Variants in BLTP1 observed in about 807,000 individuals in gnomAD.
BLTP1 encodes bridge-like lipid transfer protein family member 1.
At chr4:122,192,679 G>A in the BLTP1 span, among the ~76,000 whole-genome samples, 6 of 151,966 alleles carry the variant, frequency 3.9e-5, no homozygotes, top group South Asian at 2.1e-4. Flanking sequence ...AATCAACAAC[G>A]ATTTCTTCAT....
At chr4:122,231,863 G>A in the BLTP1 span, 3 of 954,212 alleles carry the variant, frequency 3.1e-6, no homozygotes, top group Non-Finnish European at 3.7e-6. Context: ...AAGAAAATCT[G>A]TTGAGATTTT....
the BLTP1 span, chr4:122,206,062 C>G: frequency 2.0e-6 from 2 of 981,368 alleles, no homozygotes; most frequent in East Asian, 1.1e-4. Flanking sequence ...AAAGGGTAAA[C>G]AGACAAAATA....
chr4:122,183,082 T>C, the BLTP1 span: 1 of 932,250 alleles, frequency 1.1e-6, no homozygotes, highest in Non-Finnish European at 1.3e-6. Flanking sequence ...ACACTGGTAA[T>C]CCCAGCACTT....
the BLTP1 span, chr4:122,153,887 G>A: frequency 3.8e-6 from 2 of 525,170 alleles, no homozygotes; most frequent in Non-Finnish European, 4.9e-6. Flanking sequence ...CTTTAAACAA[G>A]GAAACGTAAT....
At chr4:122,288,184 A>C in the BLTP1 span, among the ~76,000 whole-genome samples, 1 of 152,166 alleles carries the variant, frequency 6.6e-6, no homozygotes, top group Non-Finnish European at 1.5e-5. Context: ...CAGAAATTTA[A>C]TACCTTGTAC....
At chr4:122,231,301 G>A in the BLTP1 span, among the ~76,000 whole-genome samples, 2 of 152,080 alleles carry the variant, frequency 1.3e-5, no homozygotes, top group African/African-American at 4.8e-5. Flanking sequence ...CTGCACCATT[G>A]CTACCTTTTG....
At chr4:122,193,642 A>G in the BLTP1 span, 1 of 804,942 alleles carries the variant, frequency 1.2e-6, no homozygotes, top group African/African-American at 1.9e-5. Context: ...AAAATTAGAC[A>G]TTTCTTAAAA....
At chr4:122,259,741 T>G in the BLTP1 span, 8 of 153,830 alleles carry the variant, frequency 5.2e-5, no homozygotes, top group African/African-American at 1.5e-4. Context: ...GCGCCTGTAA[T>G]CCCAGCTACT....
At chr4:122,290,379 A>T in the BLTP1 span, among the ~76,000 whole-genome samples, 1 of 152,176 alleles carries the variant, frequency 6.6e-6, no homozygotes, top group African/African-American at 2.4e-5. Context: ...GGTGTGTCCC[A>T]TTTACCTGGT....
At chr4:122,169,032 T>C in the BLTP1 span, among the ~76,000 whole-genome samples, 4 of 152,154 alleles carry the variant, frequency 2.6e-5, no homozygotes, top group East Asian at 7.7e-4. Flanking sequence ...ACCGTAACCT[T>C]GAACTCCTAG....
chr4:122,277,644 G>C, the BLTP1 span: 78 of 961,384 alleles, frequency 8.1e-5, 1 homozygote, highest in East Asian at 5.4e-3. Flanking sequence ...TAATAGCCTT[G>C]CTCATTATGA....
chr4:122,211,048 C>G, the BLTP1 span: 1 of 1,606,714 alleles, frequency 6.2e-7, no homozygotes, highest in Admixed American at 1.7e-5. Flanking sequence ...TCCAGATTCT[C>G]AGATAACTCT....
chr4:122,254,242 GCCT>G, the BLTP1 span: 2 of 1,612,242 alleles, frequency 1.2e-6, no homozygotes, highest in Non-Finnish European at 1.7e-6. Context: ...TACCTCTGAT[GCCT>G]CCTCCTCCAG....
chr4:122,299,762 A>G, the BLTP1 span: 1 of 979,094 alleles, frequency 1.0e-6, no homozygotes, highest in Non-Finnish European at 1.2e-6. Context: ...GTATGTATGT[A>G]TATGGCTGTA....
At chr4:122,201,750 A>G in the BLTP1 span, 2 of 283,694 alleles carry the variant, frequency 7.0e-6, no homozygotes, top group Non-Finnish European at 1.1e-5. Flanking sequence ...AGCCCCATAA[A>G]GTTGGTCTAA....
the BLTP1 span, chr4:122,331,746 G>T: frequency 3.1e-6 from 3 of 980,380 alleles, no homozygotes; most frequent in Non-Finnish European, 3.6e-6. Flanking sequence ...AGAAATGGAT[G>T]TCTGACTTAG....
At chr4:122,351,656 T>TA in the BLTP1 span, among the ~76,000 whole-genome samples, 1 of 152,192 alleles carries the variant, frequency 6.6e-6, no homozygotes, top group Admixed American at 6.5e-5. Context: ...CCCTACCTTC[T>TA]AGATCTTTTT....
At chr4:122,246,261 CAATT>C in the BLTP1 span, 1 of 1,602,904 alleles carries the variant, frequency 6.2e-7, no homozygotes, top group Non-Finnish European at 8.5e-7. Flanking sequence ...GATAATGTAA[CAATT>C]AAAGGTCTTC....
chr4:122,281,509 TTTAA>T, the BLTP1 span: 1 of 1,549,278 alleles, frequency 6.5e-7, no homozygotes, highest in South Asian at 1.3e-5. Flanking sequence ...GTGTTTATTT[TTTAA>T]TTATTTTTTT....
Sources: allele counts gnomAD v4.1 joint callset (sites outside exome capture counted in the v4.1 genomes callset), GRCh38; gene constraint gnomAD v4.1.1; transcripts MANE v1.5; gene names NCBI Gene and HGNC (gene_info 2026-07-23, HGNC 2026-07-21).